The following RIMBP2 variants were observed in gnomAD, a reference collection of about 807,000 sequenced individuals.
The protein encoded by RIMBP2 is RIMS-binding protein 2.
A neutral mutation model predicts 118.6 loss-of-function variants in RIMBP2; 48 were observed. The ratio of observed to expected loss-of-function variants is 0.40; its 90% confidence interval spans 0.32 to 0.51. The LOEUF is 0.51. RIMBP2 is among the 20% of genes least tolerant of loss of function. RIMBP2 has a pLI of 0.41. For synonymous variants in RIMBP2, 762 were observed against 742.9 expected (o/e 1.03, Z -0.42); for missense variants, 1,551 against 1,768.3 (o/e 0.88, Z 2.20).
chr12:130,693,296 A>G (rs1267009964), intron 1 of RIMBP2, among the ~76,000 whole-genome samples: 2 of 152,246 alleles, frequency 1.3e-5, no homozygotes, highest in Non-Finnish European at 2.9e-5. Flanking sequence ...GCACAGGGCC[A>G]TCTCTCACTC....
At chr12:130,411,021 C>T (rs2136450212) in intron 19 of RIMBP2, among the ~76,000 whole-genome samples, 1 of 152,256 alleles carries the variant, frequency 6.6e-6, no homozygotes, top group Non-Finnish European at 1.5e-5. Context: ...GATTTCTTTC[C>T]TCAGTGTTTT....
chr12:130,601,367 C>T (rs1025796087), intron 2 of RIMBP2, among the ~76,000 whole-genome samples: 13 of 136,834 alleles, frequency 9.5e-5, no homozygotes, highest in Admixed American at 3.7e-4. Context: ...AAAAGCAAAC[C>T]GGCTGGTGAA....
chr12:130,450,752 C>T lies in RIMBP2; in HGVS notation c.504+443G>A, dbSNP rs2078934761. Among the ~76,000 whole-genome samples, 2 of 151,980 alleles carry T rather than the reference C, an allele frequency of 1.3e-5. No individual in the cohort carries two copies. Among genetic ancestry groups the T allele is most frequent in the South Asian group, 4.1e-4 (2 of 4,822 alleles). ...GCCTTAACAGCTTTCAGTGGCTTCA[C>T]CTCGGACTCAGACAAAAAGCCAAAC... On this transcript the variant is annotated intron_variant, in intron 8 of 22. Transcript: ENST00000690449. This position sits in a 1 kb window ranked among gnomAD's most constrained non-coding sequence, Gnocchi z 4.8.
At chr12:130,471,715 A>G (rs1261563159) in intron 5 of RIMBP2, 1 of 152,412 alleles carries the variant, frequency 6.6e-6, no homozygotes, top group East Asian at 1.9e-4. Flanking sequence ...ATCCCCCCAG[A>G]TGCTCCTGCT....
At chr12:130,565,764 C>A (rs2057173772) in intron 2 of RIMBP2, among the ~76,000 whole-genome samples, 1 of 152,188 alleles carries the variant, frequency 6.6e-6, no homozygotes, top group Non-Finnish European at 1.5e-5. Context: ...GTTCACACAG[C>A]AGCACAAAGG....
At chr12:130,454,506 G>T (rs1036695359) in intron 7 of RIMBP2, among the ~76,000 whole-genome samples, 14 of 150,486 alleles carry the variant, frequency 9.3e-5, no homozygotes. Flanking sequence ...GAGTGCCAGG[G>T]CAATGCCAGG....
intron 1 of RIMBP2, among the ~76,000 whole-genome samples, chr12:130,674,755 C>T (rs975579315): frequency 6.6e-6 from 1 of 152,102 alleles, no homozygotes; most frequent in Non-Finnish European, 1.5e-5. Flanking sequence ...TATCCATGAC[C>T]GGCCGCTCCC....
At chr12:130,432,832 C>T (rs73150900) in intron 14 of RIMBP2, among the ~76,000 whole-genome samples, 8,257 of 152,242 alleles carry the variant, frequency 0.054, 316 homozygotes, top group Middle Eastern at 0.078. Context: ...CCCCAGCAGA[C>T]GAGTACAACA....
Position 130,439,461 on chromosome 12 carries a change from GTGTA to G in RIMBP2, c.1505-949_1505-946del, listed in dbSNP as rs200973138. 2.2e-3 allele frequency among the ~76,000 whole-genome samples: 309 copies of G among 143,678 alleles called. 6 individuals are homozygous for G. The East Asian group carries it at 0.037, about 17-fold the overall frequency. 94.3% of individuals were successfully genotyped at this position (143,678 alleles called of 152,430 possible). ...GGTGTGTGGGTGTGGGTGTGTGGGT[GTGTA>G]TGTATTTGTGTATGTGTGTGTATGT... On this transcript the variant is annotated intron_variant, in intron 11 of 22. Coordinates refer to ENST00000690449, the MANE Select transcript of RIMBP2 (RefSeq NM_001393629.1).
chr12:130,462,647 G>A (rs774521074), intron 6 of RIMBP2, among the ~76,000 whole-genome samples: 4 of 152,198 alleles, frequency 2.6e-5, no homozygotes, highest in East Asian at 1.9e-4. Context: ...GTGTGTGGAC[G>A]CTGACTCGAG....
At position 130,441,982 on chromosome 12, in the gene RIMBP2, T is replaced by G. The variant is rs1240680012; in HGVS notation, c.1370A>C (p.Gln457Pro). 3.7e-6 allele frequency: 6 copies of G among 1,614,076 alleles called. No homozygotes were observed. In the African/African-American group the frequency reaches 8.0e-5, roughly 22 times the overall value. ...DIVKAARYKY[Q>P]FFNLRPNMAY... ...CATGTTGGGCCTGAGATTGAAGAACTGGTACTTGTACCTGGCGGCCTTGAC... is the reference window on the plus strand; with the variant it reads ...CATGTTGGGCCTGAGATTGAAGAACGGGTACTTGTACCTGGCGGCCTTGAC... Residue 457 changes from glutamine (Q) to proline (P), a missense_variant, in exon 11 of 23, where the codon CAG (glutamine) becomes CCG (proline). Around this residue, in one of 5 missense-constraint regions of RIMBP2, gnomAD observed 265 missense variants for 349.5 expected, o/e 0.76. Coordinates refer to ENST00000690449, the MANE Select transcript of RIMBP2 (RefSeq NM_001393629.1).
chr12:130,711,123 A>G (rs927144935), intron 1 of RIMBP2, among the ~76,000 whole-genome samples: 6 of 152,188 alleles, frequency 3.9e-5, no homozygotes, highest in Non-Finnish European at 5.9e-5. Context: ...CACGCCTGTA[A>G]TCCTAGCTAC....
intron 2 of RIMBP2, among the ~76,000 whole-genome samples, chr12:130,555,256 T>C (rs1372777532): frequency 6.6e-6 from 1 of 152,120 alleles, no homozygotes; most frequent in Admixed American, 6.5e-5. Context: ...AACAATCAGA[T>C]TCAGGAGAAA....
At chr12:130,695,787 A>G (rs1269430810) in intron 1 of RIMBP2, among the ~76,000 whole-genome samples, 1 of 152,100 alleles carries the variant, frequency 6.6e-6, no homozygotes, top group Non-Finnish European at 1.5e-5. Context: ...GTCTGGACTA[A>G]GGAGCTAGCA....
chr12:130,681,816 T>A (rs2064800819), intron 1 of RIMBP2, among the ~76,000 whole-genome samples: 1 of 152,126 alleles, frequency 6.6e-6, no homozygotes, highest in Non-Finnish European at 1.5e-5. Flanking sequence ...TGCCGCAGCC[T>A]CCCAAGCAGC....
intron 7 of RIMBP2, among the ~76,000 whole-genome samples, chr12:130,452,565 T>TA (rs1203984827): frequency 1.3e-5 from 2 of 152,250 alleles, no homozygotes; most frequent in African/African-American, 4.8e-5. Flanking sequence ...TGCTGCAGGC[T>TA]ACTCCCCTTC....
At chr12:130,561,176 G>A (rs12367869) in intron 2 of RIMBP2, among the ~76,000 whole-genome samples, 23,955 of 152,164 alleles carry the variant, frequency 0.16, 1,987 homozygotes, top group African/African-American at 0.18. Context: ...CTTAGAAAAA[G>A]CCAACCCTGC....
At chr12:130,456,778 T>G in intron 6 of RIMBP2, 78 bp from the exon 7 acceptor site, 1 of 1,121,088 alleles carries the variant, frequency 8.9e-7, no homozygotes, top group East Asian at 2.5e-5. Flanking sequence ...TCACATGTGT[T>G]GTACGTGTGC....
chr12:130,464,989 C>T (rs1263277263), intron 6 of RIMBP2: 1 of 152,270 alleles, frequency 6.6e-6, no homozygotes, highest in Non-Finnish European at 1.5e-5. Flanking sequence ...AAGGGTGAGA[C>T]ATACATCATG....
Sources: allele counts gnomAD v4.1 joint callset (sites outside exome capture counted in the v4.1 genomes callset), GRCh38; gene constraint gnomAD v4.1.1; regional missense constraint gnomAD v4.1.1; non-coding constraint Gnocchi (gnomAD v3.1); transcripts MANE v1.5; gene names NCBI Gene and HGNC (gene_info 2026-07-23, HGNC 2026-07-21).